Variants in ACTR3C observed in about 807,000 individuals in gnomAD.
ACTR3C encodes actin related protein 3C.
A neutral mutation model predicts 26.3 loss-of-function variants in ACTR3C; 18 were observed. That is an observed-to-expected ratio of 0.68 (90% CI 0.47 to 1.01). The LOEUF (loss-of-function observed/expected upper bound fraction) is 1.01, where lower values mean the gene tolerates loss of function less well. Among genes scored for constraint, ACTR3C ranks in the 50% least tolerant of loss-of-function variants. The probability of loss-of-function intolerance (pLI) is 0.00; values close to 1 mark genes in which losing one functional copy is unlikely to be tolerated. For synonymous variants in ACTR3C, 55 were observed against 94.5 expected (o/e 0.58, Z 2.42); for missense variants, 184 against 250.7 (o/e 0.73, Z 1.80).
At chr7:149,915,037 G>A in the ACTR3C span, among the ~76,000 whole-genome samples, 3 of 151,920 alleles carry the variant, frequency 2.0e-5, no homozygotes, top group African/African-American at 4.8e-5. Flanking sequence ...GTACCACCAC[G>A]CCCTGCTAAT....
the ACTR3C span, among the ~76,000 whole-genome samples, chr7:150,086,393 G>A: frequency 3.3e-5 from 5 of 152,304 alleles, no homozygotes; most frequent in Admixed American, 2.6e-4. Flanking sequence ...GGTGGAGGTG[G>A]GGAGGCATTT....
chr7:150,194,045 G>T, the ACTR3C span, among the ~76,000 whole-genome samples: 2 of 148,888 alleles, frequency 1.3e-5, no homozygotes, highest in African/African-American at 4.9e-5. Context: ...GTTTCAGTCT[G>T]TAACCACAAT....
the ACTR3C span, among the ~76,000 whole-genome samples, chr7:150,135,293 A>T: frequency 6.6e-6 from 1 of 152,240 alleles, no homozygotes; most frequent in Non-Finnish European, 1.5e-5. Context: ...AATAAAAAAT[A>T]AAATAAAAAG....
intron 4 of ACTR3C, among the ~76,000 whole-genome samples, chr7:150,288,451 T>C (rs1450147138): frequency 1.5e-5 from 2 of 136,840 alleles, no homozygotes; most frequent in East Asian, 4.3e-4. Flanking sequence ...GATCTCGCTA[T>C]ATCACCTGGG....
chr7:149,947,659 G>T, the ACTR3C span, among the ~76,000 whole-genome samples: 6 of 115,720 alleles, frequency 5.2e-5, no homozygotes, highest in South Asian at 1.9e-3. Context: ...GCGTGTGCAG[G>T]ATGAGTGGGG....
the ACTR3C span, among the ~76,000 whole-genome samples, chr7:149,893,611 G>C: frequency 6.6e-6 from 1 of 152,150 alleles, no homozygotes; most frequent in Non-Finnish European, 1.5e-5. Flanking sequence ...GCAGGCCGCT[G>C]GCTATCAGAA....
the ACTR3C span, among the ~76,000 whole-genome samples, chr7:150,128,740 C>G: frequency 6.6e-6 from 1 of 151,820 alleles, no homozygotes; most frequent in Non-Finnish European, 1.5e-5. Context: ...AAAGGAATAA[C>G]AGGGACTAGA....
the ACTR3C span, chr7:150,047,941 T>G: frequency 4.1e-6 from 5 of 1,227,666 alleles, no homozygotes; most frequent in Non-Finnish European, 3.1e-6. Context: ...CGCTCCAGAT[T>G]AAAAAAAAGG....
At chr7:150,069,144 C>T in the ACTR3C span, among the ~76,000 whole-genome samples, 1 of 152,192 alleles carries the variant, frequency 6.6e-6, no homozygotes, top group African/African-American at 2.4e-5. Flanking sequence ...GCAATTGCCA[C>T]TGTGATATGG....
the ACTR3C span, among the ~76,000 whole-genome samples, chr7:150,037,817 C>T: frequency 4.1e-4 from 26 of 64,188 alleles, no homozygotes; most frequent in Admixed American, 2.4e-3. Flanking sequence ...GGAAGAGGGA[C>T]TGGCACTCAG....
chr7:150,036,723 G>T, the ACTR3C span, among the ~76,000 whole-genome samples: 1 of 137,180 alleles, frequency 7.3e-6, no homozygotes, highest in African/African-American at 2.5e-5. Context: ...CTGGAGCTGC[G>T]TTCGGACCCG....
chr7:150,177,575 C>T, the ACTR3C span, among the ~76,000 whole-genome samples: 1 of 150,864 alleles, frequency 6.6e-6, no homozygotes, highest in Non-Finnish European at 1.5e-5. Context: ...TTATAATTTT[C>T]TAAGATGTGA....
chr7:149,937,169 G>C, the ACTR3C span, among the ~76,000 whole-genome samples: 12 of 111,172 alleles, frequency 1.1e-4, no homozygotes, highest in South Asian at 2.4e-3. Flanking sequence ...ATAACCTGTA[G>C]AGAAGGACCC....
the ACTR3C span, among the ~76,000 whole-genome samples, chr7:150,104,013 T>G: frequency 6.6e-6 from 1 of 152,000 alleles, no homozygotes; most frequent in African/African-American, 2.4e-5. Context: ...GGAAGGACAT[T>G]ATTCAAGAGG....
downstream of ACTR3C, among the ~76,000 whole-genome samples, chr7:150,242,674 ATGTGTGT>A (rs1832256120): frequency 6.6e-6 from 1 of 152,220 alleles, no homozygotes; most frequent in Non-Finnish European, 1.5e-5. Flanking sequence ...AGGAGTATGT[ATGTGTGT>A]TGTGGATACA....
chr7:150,064,797 C>T, the ACTR3C span, among the ~76,000 whole-genome samples: 1 of 151,668 alleles, frequency 6.6e-6, no homozygotes, highest in Non-Finnish European at 1.5e-5. Flanking sequence ...AAGTACTTTA[C>T]GTTTGCCAAG....
At chr7:150,115,649 G>A in the ACTR3C span, among the ~76,000 whole-genome samples, 2 of 152,236 alleles carry the variant, frequency 1.3e-5, no homozygotes, top group African/African-American at 4.8e-5. Context: ...AGGCAAAGTA[G>A]TCTTGAAACA....
At chr7:150,281,134 A>G (rs1425325664) in intron 6 of ACTR3C, among the ~76,000 whole-genome samples, 1 of 152,064 alleles carries the variant, frequency 6.6e-6, no homozygotes, top group East Asian at 1.9e-4. Flanking sequence ...TCCTGGAGAG[A>G]GGGCGTCTTA....
chr7:150,225,098 GC>G, the ACTR3C span, among the ~76,000 whole-genome samples: 1 of 151,720 alleles, frequency 6.6e-6, no homozygotes, highest in African/African-American at 2.4e-5. Context: ...ACTACAAGGT[GC>G]CTCAGGCTCA....
Sources: allele counts gnomAD v4.1 joint callset (sites outside exome capture counted in the v4.1 genomes callset), GRCh38; gene constraint gnomAD v4.1.1; transcripts MANE v1.5; gene names NCBI Gene and HGNC (gene_info 2026-07-23, HGNC 2026-07-21).